CCPG1: variants seen among roughly 807,000 people sequenced by gnomAD.
The protein encoded by CCPG1 is cell cycle progression protein 1.
Under a neutral mutation model 81.3 loss-of-function variants are expected in CCPG1, and 46 were observed. The ratio of observed to expected loss-of-function variants is 0.57; its 90% CI spans 0.45 to 0.72. The LOEUF (loss-of-function observed/expected upper bound fraction) is 0.72, where lower values mean the gene tolerates loss of function less well. Ranked by LOEUF, CCPG1 falls within the 30% of genes least tolerant of loss-of-function variation. The probability of loss-of-function intolerance (pLI) is 0.00; values close to 1 mark genes in which losing one functional copy is unlikely to be tolerated. For missense variants in CCPG1, 902 were observed against 937.6 expected, an observed-to-expected ratio of 0.96 and a Z score of 0.50; for synonymous variants, 330 against 305.2, an observed-to-expected ratio of 1.08 and a Z score of -0.85.
chr15:55,407,215 C>G (rs527405546), intron 1 of CCPG1, among the ~76,000 whole-genome samples: 1 of 126,530 alleles, frequency 7.9e-6, no homozygotes, highest in African/African-American at 3.0e-5. Context: ...GCAACAAGAG[C>G]GAAACCCTCT....
At chr15:55,377,911 T>TAAAA (rs112562466) in intron 4 of CCPG1, among the ~76,000 whole-genome samples, 3 of 138,632 alleles carry the variant, frequency 2.2e-5, no homozygotes, top group African/African-American at 7.4e-5. Context: ...GTCAGATCAG[T>TAAAA]ACAGACTAAA....
rs2056579382 is a variant in CCPG1 at position 55,376,940 on chromosome 15, T to G, written c.454+9A>C. On this transcript the variant is annotated intron_variant, in intron 5 of 8. Coordinates refer to ENST00000442196, the MANE Select transcript of CCPG1 (RefSeq NM_001204450.2). ...CATGTCTTTAAGTCTCTTATCAGTG[T>G]ATTCTTACCAGTTTCTGGCTGACAG... 1 of 1,602,250 alleles carries G rather than the reference T, an allele frequency of 6.2e-7. No individual in the cohort carries two copies. Among genetic ancestry groups the G allele is most frequent in the Non-Finnish European group, 8.5e-7 (1 of 1,171,126 alleles).
intron 1 of CCPG1, among the ~76,000 whole-genome samples, chr15:55,395,017 T>C (rs1366131586): frequency 6.6e-6 from 1 of 152,096 alleles, no homozygotes; most frequent in East Asian, 1.9e-4. Flanking sequence ...CTGAGATGGA[T>C]TTGAGACTGA....
chr15:55,392,365 C>G lies in CCPG1; in HGVS notation c.-9-2932G>C, dbSNP rs192332693. Among the ~76,000 whole-genome samples, 33 of 151,938 alleles carry G rather than the reference C, an allele frequency of 2.2e-4. No homozygotes were observed. In the East Asian group the frequency reaches 6.4e-3, roughly 30 times the overall value. The stretch of plus-strand genomic sequence containing the variant: ...TAGCGGGGATTACAGGCACGCGCCA[C>G]CATGCCCAGCTAATTTTTGTACTTT... On this transcript the variant is annotated intron_variant, in intron 1 of 8. Coordinates refer to ENST00000442196, the MANE Select transcript of CCPG1 (RefSeq NM_001204450.2).
At chr15:55,388,844 A>T (rs2056855982) in intron 2 of CCPG1, among the ~76,000 whole-genome samples, 1 of 151,774 alleles carries the variant, frequency 6.6e-6, no homozygotes, top group Admixed American at 6.6e-5. Context: ...GCCGAGGCAG[A>T]TGGATCACGA....
chr15:55,365,469 TG>T (rs2056307757), intron 6 of CCPG1, among the ~76,000 whole-genome samples, 160 bp from the exon 7 acceptor site: 1 of 150,512 alleles, frequency 6.6e-6, no homozygotes, highest in Non-Finnish European at 1.5e-5. Context: ...CTTGCTCCAT[TG>T]CCCAGGCTGG....
chr15:55,406,065 A>G (rs2057212691), intron 1 of CCPG1, among the ~76,000 whole-genome samples: 1 of 152,190 alleles, frequency 6.6e-6, no homozygotes, highest in South Asian at 2.1e-4. Flanking sequence ...GGGTTTTGCC[A>G]CGTTGGCCAG....
chr15:55,406,215 GCTTTTT>G (rs1566987680), intron 1 of CCPG1, among the ~76,000 whole-genome samples: 2 of 116,452 alleles, frequency 1.7e-5, no homozygotes, highest in African/African-American at 6.0e-5. Context: ...TGGAATTGCT[GCTTTTT>G]TTTTTTTTTT....
At chr15:55,356,516 A>G in intron 8 of CCPG1, 107 bp from the exon 9 acceptor site, 1 of 1,282,374 alleles carries the variant, frequency 7.8e-7, no homozygotes, top group Non-Finnish European at 1.0e-6. Flanking sequence ...ACACTGATAA[A>G]AGATATTAAA....
In CCPG1 at chr15:55,380,723, G is replaced by A. The variant is rs113355913; in HGVS notation, c.176-2347C>T. ...TGAGATTCCGCCACAGTACTCGGCCGGGGTGCTGGGGCCAGGCGCGGTGAC... is the reference window on the plus strand; with the variant it reads ...TGAGATTCCGCCACAGTACTCGGCCAGGGTGCTGGGGCCAGGCGCGGTGAC... On this transcript the variant is annotated intron_variant, in intron 3 of 8. Transcript: ENST00000442196. Among the ~76,000 whole-genome samples, 493 of 152,112 alleles carry A rather than the reference G, an allele frequency of 3.2e-3. 1 individual carries two copies. The highest frequency in any genetic ancestry group is 0.011 in the African/African-American group (463 of 41,516).
chr15:55,384,217 T>C (rs2056756649), intron 3 of CCPG1, among the ~76,000 whole-genome samples: 1 of 152,160 alleles, frequency 6.6e-6, no homozygotes, highest in South Asian at 2.1e-4. Flanking sequence ...GGCAAGTCAG[T>C]AGAGCAGTCA....
intron 1 of CCPG1, among the ~76,000 whole-genome samples, chr15:55,400,880 A>G (rs2057116498): frequency 6.6e-6 from 1 of 152,218 alleles, no homozygotes; most frequent in Non-Finnish European, 1.5e-5. Flanking sequence ...AGTTCCTTAT[A>G]AGTTGGGTCA....
At chr15:55,404,029 CAGACATGTTA>C (rs1418502886) in intron 1 of CCPG1, among the ~76,000 whole-genome samples, 1 of 152,128 alleles carries the variant, frequency 6.6e-6, no homozygotes, top group African/African-American at 2.4e-5. Flanking sequence ...GTTAGTAAAT[CAGACATGTTA>C]ATCAATTATG....
At chr15:55,400,307 G>A (rs562279791) in intron 1 of CCPG1, among the ~76,000 whole-genome samples, 8 of 149,844 alleles carry the variant, frequency 5.3e-5, no homozygotes, top group South Asian at 4.2e-4. Context: ...TCATGAGTTC[G>A]AGACCAGCCT....
intron 2 of CCPG1, among the ~76,000 whole-genome samples, chr15:55,387,856 T>A (rs927901489): frequency 7.1e-6 from 1 of 141,818 alleles, no homozygotes; most frequent in African/African-American, 2.5e-5. Flanking sequence ...ATAATTTTTA[T>A]TAAAAAAACA....
At chr15:55,399,905 G>C (rs1595867057) in intron 1 of CCPG1, 1 of 151,272 alleles carries the variant, frequency 6.6e-6, no homozygotes, top group African/African-American at 2.4e-5. Context: ...ACCAGCCTGG[G>C]CAACATGGTG....
chr15:55,385,826 C>G, intron 2 of CCPG1, 112 bp from the exon 3 acceptor site: 4 of 687,872 alleles, frequency 5.8e-6, no homozygotes, highest in Non-Finnish European at 1.1e-5. Context: ...CTGCCATACT[C>G]CAAAGGAACA....
At chr15:55,387,840 C>T (rs1244903157) in intron 2 of CCPG1, among the ~76,000 whole-genome samples, 4 of 148,308 alleles carry the variant, frequency 2.7e-5, no homozygotes, top group South Asian at 2.2e-4. Flanking sequence ...GCACCACGCC[C>T]GGCCTATAAT....
Position 55,355,756 on chromosome 15 carries a change from G to A in CCPG1, c.*464C>T, listed in dbSNP as rs143042103. On this transcript the variant is annotated 3_prime_UTR_variant, in exon 9 of 9. Transcript: ENST00000442196. ...GGCAGCAAATTCTTCACAAGTCAGAGGGCTCTTGAACCCACAAAAAGACAA... is the reference window on the plus strand; with the variant it reads ...GGCAGCAAATTCTTCACAAGTCAGAAGGCTCTTGAACCCACAAAAAGACAA... The A allele has an allele frequency of 1.2e-4, 27 of 230,778 alleles. No homozygotes were observed. The highest frequency in any genetic ancestry group is 6.1e-4 in the African/African-American group (27 of 44,026). 14.3% of individuals were successfully genotyped at this position (230,778 alleles called of 1,614,324 possible).
Sources: gnomAD v4.1 joint callset for allele counts (sites outside exome capture counted in the v4.1 genomes callset) on GRCh38, gnomAD v4.1.1 for gene constraint, MANE v1.5 for transcripts, NCBI Gene and HGNC (gene_info 2026-07-23, HGNC 2026-07-21) for gene names.